The following IQCM variants were observed in gnomAD, a reference collection of about 807,000 sequenced individuals.
IQCM encodes the protein IQ motif containing M, also known as IQ domain-containing protein M.
Under a neutral mutation model 57.6 loss-of-function variants are expected in IQCM, and 45 were observed. That is an observed-to-expected ratio of 0.78 (90% CI 0.62 to 1.00). The LOEUF (loss-of-function observed/expected upper bound fraction) is 1.00, where lower values mean the gene tolerates loss of function less well. Among genes scored for constraint, IQCM ranks in the 50% least tolerant of loss-of-function variants. The probability of loss-of-function intolerance (pLI) is 0.00; values close to 1 mark genes in which losing one functional copy is unlikely to be tolerated. For missense variants in IQCM, 468 were observed against 511.6 expected (o/e 0.91, Z 0.82); for synonymous variants, 148 against 158.9 (o/e 0.93, Z 0.51).
chr4:149,461,107 G>A (rs1474422695), intron 12 of IQCM, among the ~76,000 whole-genome samples: 2 of 151,926 alleles, frequency 1.3e-5, no homozygotes, highest in Non-Finnish European at 2.9e-5. Flanking sequence ...GGTGGCACAC[G>A]CCTGTAATCT....
chr4:149,815,089 A>T (rs1774927128), intron 2 of IQCM, among the ~76,000 whole-genome samples: 1 of 152,044 alleles, frequency 6.6e-6, no homozygotes. Context: ...TAGTCATAAC[A>T]GCTCAGTATT....
rs143966388 is a variant in IQCM, at chr4:149,733,411, G to T, written c.218C>A (p.Thr73Lys). The T allele has an allele frequency of 3.1e-4, 385 of 1,231,732 alleles. 2 individuals carry two copies. The African/African-American group carries it at 5.3e-3, about 17-fold the overall frequency. 76.3% of individuals were successfully genotyped at this position (1,231,732 alleles called of 1,614,324 possible). ...YIPLEIDKKV[T>K]RDVVQEHRAA... ...CCGATGTTCTTGCACCACATCACGT[G>T]TTACCTTTTTGTCAATCTCCAAAGG... is the stretch of plus-strand genomic sequence containing the variant. The change falls in exon 5 of 14, where the codon ACA (threonine) becomes AAA (lysine). Residue 73 changes from threonine (T) to lysine (K), a missense_variant. Physicochemically the swap from Thr to Lys is moderately conservative, Grantham distance 78. Transcript: ENST00000636793.
chr4:149,400,293 C>T (rs950985505), intron 13 of IQCM, among the ~76,000 whole-genome samples: 2 of 150,784 alleles, frequency 1.3e-5, no homozygotes, highest in African/African-American at 2.4e-5. Context: ...TATAATGGTA[C>T]GTGAGCTATC....
At chr4:149,482,947 T>G (rs1408853695) in intron 12 of IQCM, among the ~76,000 whole-genome samples, 2 of 151,904 alleles carry the variant, frequency 1.3e-5, no homozygotes, top group African/African-American at 4.8e-5. Context: ...TTCTAGCTAC[T>G]TCCTATTGGT....
chr4:149,466,181 C>T (rs1316576681), intron 12 of IQCM, among the ~76,000 whole-genome samples: 1 of 152,170 alleles, frequency 6.6e-6, no homozygotes, highest in African/African-American at 2.4e-5. Context: ...TAGGACACAT[C>T]ACTACTCTTA....
chr4:149,709,988 G>GA (rs1294371046), intron 5 of IQCM, among the ~76,000 whole-genome samples: 3 of 152,060 alleles, frequency 2.0e-5, no homozygotes, highest in South Asian at 2.1e-4. Flanking sequence ...TTATAACAGT[G>GA]AAAATCAACT....
chr4:149,488,616 TG>T (rs1217747171), intron 12 of IQCM, among the ~76,000 whole-genome samples: 1 of 152,096 alleles, frequency 6.6e-6, no homozygotes, highest in Non-Finnish European at 1.5e-5. Flanking sequence ...CATTGAAAAG[TG>T]TAAAAACAGC....
At chr4:149,637,883 C>T (rs1173026923) in intron 7 of IQCM, among the ~76,000 whole-genome samples, 1 of 152,064 alleles carries the variant, frequency 6.6e-6, no homozygotes, top group African/African-American at 2.4e-5. Context: ...CGAAGAATAA[C>T]TATAGAAAAT....
intron 13 of IQCM, among the ~76,000 whole-genome samples, chr4:149,404,168 A>G (rs1732814837): frequency 6.6e-6 from 1 of 152,022 alleles, no homozygotes; most frequent in African/African-American, 2.4e-5. Context: ...TACACCTTGC[A>G]ACATTGTTCA....
intron 7 of IQCM, among the ~76,000 whole-genome samples, chr4:149,651,111 T>A (rs1160993121): frequency 6.6e-6 from 1 of 152,032 alleles, no homozygotes; most frequent in Non-Finnish European, 1.5e-5. Context: ...AAAGTTAAAT[T>A]GGAAGTGAAA....
rs561516319 is a variant in IQCM at position 149,454,151 on chromosome 4, T to G, written c.1229-20594A>C. Among the ~76,000 whole-genome samples, 53 of 145,452 alleles carry G rather than the reference T, an allele frequency of 3.6e-4. No homozygotes were observed. The Admixed American group carries it at 3.7e-3, about 10-fold the overall frequency. On this transcript the variant is annotated intron_variant, in intron 12 of 13. Transcript: ENST00000636793. Reference sequence around the variant, plus strand: ...TAGACTGGATTAAGAAAATGTGATATATATATATATATATATACACACACA... The same window carrying G: ...TAGACTGGATTAAGAAAATGTGATAGATATATATATATATATACACACACA...
intron 11 of IQCM, among the ~76,000 whole-genome samples, chr4:149,550,789 A>G (rs1197164760): frequency 6.6e-6 from 1 of 152,226 alleles, no homozygotes; most frequent in Non-Finnish European, 1.5e-5. Flanking sequence ...ACATGAAGAC[A>G]AATTAGAACT....
chr4:149,391,092 TC>T (rs1263866607), intron 13 of IQCM, among the ~76,000 whole-genome samples: 9 of 151,926 alleles, frequency 5.9e-5, no homozygotes, highest in Admixed American at 3.3e-4. Flanking sequence ...TCTTTAAATG[TC>T]TGATAGAATC....
At chr4:149,444,058 T>A (rs149510481) in intron 12 of IQCM, among the ~76,000 whole-genome samples, 1 of 151,932 alleles carries the variant, frequency 6.6e-6, no homozygotes, top group East Asian at 1.9e-4. Context: ...AAAGCTAAAT[T>A]CCCAGTGCAT....
chr4:149,740,266 A>G (rs1767335803), intron 3 of IQCM, among the ~76,000 whole-genome samples: 1 of 152,188 alleles, frequency 6.6e-6, no homozygotes, highest in Admixed American at 6.5e-5. Flanking sequence ...AGGTGTAACA[A>G]AAGCCCCACC....
intron 12 of IQCM, among the ~76,000 whole-genome samples, chr4:149,458,966 G>C (rs561796947): frequency 2.5e-4 from 38 of 152,246 alleles, no homozygotes; most frequent in Admixed American, 1.1e-3. Flanking sequence ...AATAAAGCTA[G>C]ATAGAGGGTT....
At chr4:149,461,647 C>G (rs1440390815) in intron 12 of IQCM, among the ~76,000 whole-genome samples, 1 of 135,760 alleles carries the variant, frequency 7.4e-6, no homozygotes, top group Non-Finnish European at 1.5e-5. Context: ...GAGCAAGACC[C>G]AGTCTCCAAA....
chr4:149,592,015 G>A (rs1306549703), intron 8 of IQCM, among the ~76,000 whole-genome samples: 3 of 152,120 alleles, frequency 2.0e-5, no homozygotes, highest in Admixed American at 6.6e-5. Flanking sequence ...CTAGATCTTT[G>A]AGGAATCGCC....
At chr4:149,551,698 T>C (rs1240249642) in intron 11 of IQCM, among the ~76,000 whole-genome samples, 1 of 136,820 alleles carries the variant, frequency 7.3e-6, no homozygotes, top group Non-Finnish European at 1.5e-5. Flanking sequence ...TATTAGATTA[T>C]ATAATATAAA....
Sources: gnomAD v4.1 joint callset for allele counts (sites outside exome capture counted in the v4.1 genomes callset) on GRCh38, gnomAD v4.1.1 for gene constraint, MANE v1.5 for transcripts, NCBI Gene and HGNC (gene_info 2026-07-23, HGNC 2026-07-21) for gene names.